Variants in ATP7A observed in about 807,000 individuals in gnomAD.
ATP7A encodes ATPase copper transporting alpha.
Under a neutral mutation model 83.5 loss-of-function variants are expected in ATP7A, and 7 were observed. The ratio of observed to expected loss-of-function variants is 0.08; its 90% CI spans 0.05 to 0.16. ATP7A has a LOEUF of 0.16. Among genes scored for constraint, ATP7A ranks in the 10% least tolerant of loss-of-function variants. The pLI is 1.00. For missense variants in ATP7A, 940 were observed against 1,120.8 expected (o/e 0.84, Z 2.30); for synonymous variants, 354 against 395.2 (o/e 0.90, Z 1.24).
intron 1 of ATP7A, 135 bp from the exon 2 acceptor site, chrX:77,971,486 A>G: frequency 4.7e-6 from 3 of 637,661 alleles, no homozygotes; most frequent in Non-Finnish European, 7.5e-6. Flanking sequence ...TTTTATTACT[A>G]GCACATTTTA....
chrX:77,973,983 A>G (rs1557229961), intron 2 of ATP7A, among the ~76,000 whole-genome samples: 1 of 111,359 alleles, frequency 9.0e-6, no homozygotes, highest in Non-Finnish European at 1.9e-5. Flanking sequence ...TATAAATGGT[A>G]CTGTTTTTAA....
chrX:78,019,875 A>G (rs2077893611), intron 12 of ATP7A, among the ~76,000 whole-genome samples: 1 of 111,033 alleles, frequency 9.0e-6, no homozygotes, highest in Non-Finnish European at 1.9e-5. Flanking sequence ...TGACCCTGGC[A>G]CTGGCACACT....
intron 6 of ATP7A, among the ~76,000 whole-genome samples, chrX:78,008,648 G>A (rs781876035): frequency 1.8e-5 from 2 of 110,751 alleles, no homozygotes; most frequent in Non-Finnish European, 1.9e-5. Context: ...TTCTATCTGG[G>A]ACCATATATT....
At chrX:77,955,699 C>T (rs1557227268) in intron 1 of ATP7A, among the ~76,000 whole-genome samples, 3 of 111,280 alleles carry the variant, frequency 2.7e-5, no homozygotes, top group Non-Finnish European at 5.7e-5. Flanking sequence ...CAATACCTTA[C>T]TGTTAACAAT....
intron 1 of ATP7A, among the ~76,000 whole-genome samples, chrX:77,913,565 T>C (rs1569548610): frequency 8.9e-6 from 1 of 112,084 alleles, no homozygotes; most frequent in Non-Finnish European, 1.9e-5. Context: ...GCTGAGATAG[T>C]TTGGCAGGAA....
intron 4 of ATP7A, among the ~76,000 whole-genome samples, chrX:77,997,914 T>G (rs1001135865): frequency 9.0e-6 from 1 of 110,594 alleles, no homozygotes; most frequent in African/African-American, 3.3e-5. Flanking sequence ...TAGAGGAAAT[T>G]TATTCATCTG....
At chrX:77,944,012 A>G (rs1036647724) in intron 1 of ATP7A, among the ~76,000 whole-genome samples, 1 of 112,361 alleles carries the variant, frequency 8.9e-6, no homozygotes, top group East Asian at 2.8e-4. Context: ...TGCCTTTCAA[A>G]AAAGGCCGTA....
At chrX:77,930,714 G>A (rs1329718472) in intron 1 of ATP7A, among the ~76,000 whole-genome samples, 1 of 111,571 alleles carries the variant, frequency 9.0e-6, no homozygotes, top group Non-Finnish European at 1.9e-5. Context: ...GGAAAATTAT[G>A]TTTACCTCAA....
intron 2 of ATP7A, among the ~76,000 whole-genome samples, chrX:77,985,388 G>T (rs369138103): frequency 7.5e-5 from 8 of 107,377 alleles, no homozygotes; most frequent in East Asian, 5.9e-4. Flanking sequence ...TGACATTTTT[G>T]GGGGGGGTGG....
At chrX:77,937,882 C>CTG (rs1475646427) in intron 1 of ATP7A, among the ~76,000 whole-genome samples, 2 of 106,231 alleles carry the variant, frequency 1.9e-5, no homozygotes, top group African/African-American at 6.9e-5. Context: ...CTCTCTCTCT[C>CTG]TCTCTCACAC....
At chrX:77,962,569 G>A (rs1196863197) in intron 1 of ATP7A, 4 of 323,712 alleles carry the variant, frequency 1.2e-5, no homozygotes, top group African/African-American at 7.9e-5. Flanking sequence ...TGACCCTGAG[G>A]TGTTATGAGT....
At chrX:78,007,176 A>G (rs997896099) in intron 6 of ATP7A, among the ~76,000 whole-genome samples, 16 of 111,949 alleles carry the variant, frequency 1.4e-4, no homozygotes, top group African/African-American at 4.9e-4. Flanking sequence ...AACACTTGCT[A>G]TTACCTTTTT....
intron 1 of ATP7A, among the ~76,000 whole-genome samples, chrX:77,960,207 C>T (rs782557657): frequency 7.2e-5 from 8 of 111,483 alleles, no homozygotes; most frequent in Non-Finnish European, 1.3e-4. Flanking sequence ...ATGGTGAAAC[C>T]CCATATCTAC....
chrX:78,032,016 A>G (rs782048220), intron 16 of ATP7A, among the ~76,000 whole-genome samples: 1 of 112,413 alleles, frequency 8.9e-6, no homozygotes, highest in South Asian at 3.7e-4. Flanking sequence ...TCACCTTTTT[A>G]AAGTGTACAA....
At chrX:77,911,286 G>A (rs1208190601) in intron 1 of ATP7A, among the ~76,000 whole-genome samples, 1 of 112,334 alleles carries the variant, frequency 8.9e-6, no homozygotes, top group Non-Finnish European at 1.9e-5. Context: ...AAGGTAAACT[G>A]AGAGAACTCT....
chrX:77,985,495 T>C (rs2077630917), intron 2 of ATP7A, among the ~76,000 whole-genome samples: 1 of 110,662 alleles, frequency 9.0e-6, no homozygotes, highest in Non-Finnish European at 1.9e-5. Flanking sequence ...AAAAGTATAG[T>C]AGTACCTAGA....
chrX:78,043,238 A>G, intron 20 of ATP7A, 79 bp from the exon 21 acceptor site: 1 of 688,795 alleles, frequency 1.5e-6, no homozygotes, highest in Non-Finnish European at 2.4e-6. Context: ...CGTAATCTTC[A>G]ACATACACAG....
chrX:77,932,027 C>T (rs1264186288), intron 1 of ATP7A, among the ~76,000 whole-genome samples: 4 of 109,477 alleles, frequency 3.7e-5, no homozygotes, highest in Non-Finnish European at 5.8e-5. Flanking sequence ...CTGGACGGGG[C>T]GGCTGGCCTG....
chrX:78,045,418 T>A, intron 21 of ATP7A, 52 bp from the exon 22 acceptor site: 1 of 929,581 alleles, frequency 1.1e-6, no homozygotes, highest in Non-Finnish European at 1.6e-6. Flanking sequence ...AGAAACACAT[T>A]AATAATCTGT....
Sources: allele counts gnomAD v4.1 joint callset (sites outside exome capture counted in the v4.1 genomes callset), GRCh38; gene constraint gnomAD v4.1.1; transcripts MANE v1.5; gene names NCBI Gene and HGNC (gene_info 2026-07-23, HGNC 2026-07-21).